FHIP2A: variants seen among roughly 807,000 people sequenced by gnomAD.
FHIP2A encodes FHF complex subunit HOOK interacting protein 2A.
A neutral mutation model predicts 93.5 loss-of-function variants in FHIP2A; 46 were observed. That is an observed-to-expected ratio of 0.49 (90% confidence interval 0.39 to 0.63). The LOEUF is 0.63. Ranked by LOEUF, FHIP2A falls within the 20% of genes least tolerant of loss-of-function variation. FHIP2A has a pLI of 0.00. For synonymous variants in FHIP2A, 332 were observed against 326.5 expected, an observed-to-expected ratio of 1.02 and a Z score of -0.18; for missense variants, 769 against 909.7, an observed-to-expected ratio of 0.85 and a Z score of 1.99.
chr10:114,875,863 AAG>A (rs1274781558), intron 16 of FHIP2A, among the ~76,000 whole-genome samples: 1 of 141,802 alleles, frequency 7.1e-6, no homozygotes, highest in Non-Finnish European at 1.5e-5. Flanking sequence ...AAAAGAAAGA[AAG>A]AAAGAGAAAG....
chr10:114,866,934 C>T (rs1236975874), downstream of FHIP2A, among the ~76,000 whole-genome samples: 2 of 152,158 alleles, frequency 1.3e-5, no homozygotes, highest in Non-Finnish European at 2.9e-5. Flanking sequence ...AGACGCCGGG[C>T]GCGGTAGCTC....
In FHIP2A at chr10:114,839,762, G is replaced by C. The variant is rs371338059; in HGVS notation, c.523-3171G>C. Among the ~76,000 whole-genome samples, 13 of 151,594 alleles carry C rather than the reference G, an allele frequency of 8.6e-5. 1 individual carries two copies. The East Asian group carries it at 2.5e-3, about 30-fold the overall frequency. ...TCGGGCTTGGTGGCCCATGCCTATA[G>C]TCCCAGCTACTCAGGAGGCTGAGGC... is the stretch of plus-strand genomic sequence containing the variant. On this transcript the variant is annotated intron_variant, in intron 5 of 16. Coordinates refer to ENST00000369248, the MANE Select transcript of FHIP2A (RefSeq NM_020940.4).
intron 13 of FHIP2A, among the ~76,000 whole-genome samples, chr10:114,851,380 T>C (rs889925117): frequency 2.0e-5 from 3 of 152,328 alleles, no homozygotes; most frequent in Non-Finnish European, 4.4e-5. Flanking sequence ...TAATCTGTTT[T>C]GAGTTAATTA....
intron 16 of FHIP2A, among the ~76,000 whole-genome samples, chr10:114,871,832 A>G (rs574976679): frequency 9.9e-5 from 15 of 152,102 alleles, no homozygotes; most frequent in Non-Finnish European, 1.9e-4. Context: ...TTGCATTCCT[A>G]TCTCCCTAAA....
chr10:114,885,987 C>T (rs185034809), intron 16 of FHIP2A, among the ~76,000 whole-genome samples: 169 of 152,260 alleles, frequency 1.1e-3, no homozygotes, highest in Non-Finnish European at 2.0e-3. Flanking sequence ...TCCCTTAAAG[C>T]GGCTTCTCAG....
chr10:114,847,265 T>C, intron 12 of FHIP2A, 32 bp downstream of exon 12: 3 of 1,577,076 alleles, frequency 1.9e-6, no homozygotes, highest in Non-Finnish European at 2.6e-6. Context: ...GACTTCCATC[T>C]CTCTTGTTTT....
chr10:114,853,806 C>T (rs2083750413), intron 13 of FHIP2A, among the ~76,000 whole-genome samples: 1 of 152,100 alleles, frequency 6.6e-6, no homozygotes, highest in Admixed American at 6.5e-5. Context: ...GGAGACCAGC[C>T]TGGCCAACAT....
In FHIP2A at chr10:114,855,273, A is replaced by G. The variant is rs373332464; in HGVS notation, c.1880A>G (p.Glu627Gly). 1.2e-6 allele frequency: 2 copies of G among 1,613,938 alleles called. No homozygotes were observed. Among genetic ancestry groups the G allele is most frequent in the African/African-American group, 2.7e-5 (2 of 74,920 alleles). Residue 627 changes from glutamate to glycine, a missense_variant, in exon 14 of 17, where the codon GAA becomes GGA. Physicochemically the swap from Glu to Gly is moderately conservative, Grantham distance 98. Coordinates refer to ENST00000369248, the MANE Select transcript of FHIP2A (RefSeq NM_020940.4). The part of the protein sequence containing the change: ...SPKALEKCNL[E>G]AAFFEGHFLK... Reference sequence around the variant, plus strand: ...AAAGCATTGGAAAAGTGCAATTTAGAAGCTGCTTTCTTTGAAGGTCATTTT... The same window carrying G: ...AAAGCATTGGAAAAGTGCAATTTAGGAGCTGCTTTCTTTGAAGGTCATTTT...
In FHIP2A at chr10:114,863,129, G is replaced by A; in HGVS notation, c.*1589G>A. The A allele has an allele frequency of 1.0e-6, 1 of 980,770 alleles. No homozygotes were observed. 60.8% of individuals were successfully genotyped at this position (980,770 alleles called of 1,614,324 possible). ...AACCTCTAATTTCATGCAAATCTTT[G>A]TTAGCTTATTCTAAGAAATTTATTA... On this transcript the variant is annotated 3_prime_UTR_variant, in exon 17 of 17. Transcript: ENST00000369248.
In FHIP2A at chr10:114,890,557, T is replaced by C. The variant is rs577167623; in HGVS notation, c.2193-8933T>C. Among the ~76,000 whole-genome samples, 124 of 146,908 alleles carry C rather than the reference T, an allele frequency of 8.4e-4. 1 individual carries two copies. Among genetic ancestry groups the C allele is most frequent in the African/African-American group, 3.1e-3 (121 of 39,656 alleles). On this transcript the variant is annotated intron_variant, in intron 16 of 16. Coordinates refer to the FHIP2A transcript ENST00000369250. ...CATATATAGTATATTAAATATACGC[T>C]ATATATGACATATATAGTATATAAA...
intron 8 of FHIP2A, among the ~76,000 whole-genome samples, chr10:114,845,748 T>C (rs944470060): frequency 2.0e-5 from 3 of 152,232 alleles, no homozygotes; most frequent in Non-Finnish European, 4.4e-5. Flanking sequence ...CCTTCAGTCC[T>C]GCTCTTTGGT....
chr10:114,847,111 A>G lies in FHIP2A; in HGVS notation c.1590A>G (p.Leu530=). 6.2e-7 allele frequency: 1 copy of G among 1,611,928 alleles called. No homozygotes were observed. Among genetic ancestry groups the G allele is most frequent in the Non-Finnish European group, 8.5e-7 (1 of 1,178,720 alleles). The change falls in exon 12 of 17, where the codon TTA becomes TTG. Residue 530 remains leucine, a synonymous_variant. Coordinates refer to ENST00000369248, the MANE Select transcript of FHIP2A (RefSeq NM_020940.4). ...AGAVDLEEDP[L]FTDISPENTL... is the part of the protein sequence containing the mutation. ...TTAGAGATCTGGAAGAAGATCCATTATTTACTGACATTTCACCAGAAAACA... is the reference window on the plus strand; with the variant it reads ...TTAGAGATCTGGAAGAAGATCCATTGTTTACTGACATTTCACCAGAAAACA...
chr10:114,866,198 T>C (rs550508084), downstream of FHIP2A, among the ~76,000 whole-genome samples: 296 of 151,908 alleles, frequency 1.9e-3, no homozygotes, highest in Non-Finnish European at 2.8e-3. Flanking sequence ...CTCCTACTTA[T>C]AAGTGAGAAC....
At chr10:114,827,825 G>A (rs981546395) in intron 1 of FHIP2A, among the ~76,000 whole-genome samples, 1 of 149,550 alleles carries the variant, frequency 6.7e-6, no homozygotes, top group East Asian at 2.0e-4. Flanking sequence ...AGAGTATCAA[G>A]GCATATATAG....
chr10:114,823,798 C>T (rs1481376728), intron 1 of FHIP2A, among the ~76,000 whole-genome samples: 2 of 151,832 alleles, frequency 1.3e-5, no homozygotes, highest in Non-Finnish European at 2.9e-5. Context: ...ACACCCGGCC[C>T]GAATCATTTT....
At chr10:114,847,315 G>T (rs1422248272) in intron 12 of FHIP2A, 82 bp downstream of exon 12, 1 of 1,301,724 alleles carries the variant, frequency 7.7e-7, no homozygotes, top group African/African-American at 1.5e-5. Context: ...TTGAGATGGA[G>T]TCTTGCTCTG....
At chr10:114,841,274 G>C (rs1371329517) in intron 5 of FHIP2A, among the ~76,000 whole-genome samples, 4 of 150,660 alleles carry the variant, frequency 2.7e-5, no homozygotes, top group Non-Finnish European at 5.9e-5. Flanking sequence ...CTTTCATAAA[G>C]AGTATGATAT....
chr10:114,843,275 T>TTAGG, intron 6 of FHIP2A, 49 bp downstream of exon 6: 8 of 1,149,794 alleles, frequency 7.0e-6, no homozygotes, highest in Non-Finnish European at 8.1e-6. Context: ...TTCAATAATG[T>TTAGG]GTATTTATTT....
chr10:114,899,412 G>A lies in FHIP2A; in HGVS notation c.2193-78G>A, dbSNP rs2084016050. 4.3e-5 allele frequency: 31 copies of A among 714,050 alleles called. No homozygotes were observed. The South Asian group carries it at 4.5e-4, about 10-fold the overall frequency. The allele number at this position is 714,050 out of a possible 1,614,324, so 44.2% of individuals were successfully genotyped here. A position where few individuals can be genotyped will look rare whatever the true frequency, so the allele number is the denominator to read the frequency against. On this transcript the variant is annotated intron_variant, in intron 16 of 16. Transcript: ENST00000369250. ...CAGGAGTTGGTTAAGCACATAGTTAGATCCGTATGCTCAGGCTACATCCTC... is the reference window on the plus strand; with the variant it reads ...CAGGAGTTGGTTAAGCACATAGTTAAATCCGTATGCTCAGGCTACATCCTC...
Sources: allele counts gnomAD v4.1 joint callset (sites outside exome capture counted in the v4.1 genomes callset), GRCh38; gene constraint gnomAD v4.1.1; transcripts MANE v1.5; gene names NCBI Gene and HGNC (gene_info 2026-07-23, HGNC 2026-07-21).